Variants in STAB2 observed in about 807,000 individuals in gnomAD.
STAB2 encodes stabilin 2, also known as stabilin-2.
In STAB2, 288 loss-of-function variants were observed where a neutral mutation model predicts 338.1. The ratio of observed to expected loss-of-function variants is 0.85; its 90% CI spans 0.77 to 0.94. The LOEUF (loss-of-function observed/expected upper bound fraction) is 0.94, where lower values mean the gene tolerates loss of function less well. STAB2 is among the 40% of genes least tolerant of loss of function. The pLI is 0.00. For missense variants in STAB2, 3,141 were observed against 3,210.1 expected (o/e 0.98, Z 0.52); for synonymous variants, 1,202 against 1,193.3 (o/e 1.01, Z -0.15).
At chr12:103,640,508 A>T (rs550574183) in intron 9 of STAB2, among the ~76,000 whole-genome samples, 1 of 152,336 alleles carries the variant, frequency 6.6e-6, no homozygotes, top group Admixed American at 6.5e-5. Context: ...ACTTGATATG[A>T]AGTGGTCAGA....
At chr12:103,667,994 T>C (rs1355808760) in intron 19 of STAB2, among the ~76,000 whole-genome samples, 1 of 152,236 alleles carries the variant, frequency 6.6e-6, no homozygotes, top group Non-Finnish European at 1.5e-5. Flanking sequence ...TCAGTGTTTC[T>C]TGGAAAAAAT....
chr12:103,746,648 A>T lies in STAB2; in HGVS notation c.6188A>T (p.Glu2063Val), dbSNP rs768939938. The T allele has an allele frequency of 6.2e-6, 10 of 1,614,030 alleles. No individual in the cohort carries two copies. Among genetic ancestry groups the T allele is most frequent in the Non-Finnish European group, 8.5e-6 (10 of 1,179,988 alleles). The change falls in exon 58 of 69, where the codon GAG (glutamate) becomes GTG (valine). Residue 2063 changes from glutamate to valine, a missense_variant. Physicochemically the swap from Glu to Val is moderately radical, Grantham distance 121 (BLOSUM62 -2). Transcript: ENST00000388887. The part of the protein sequence containing the change: ...PPCSAHATCK[E>V]NNTCECNLDY... The stretch of plus-strand genomic sequence containing the variant: ...TGTTCTGCTCATGCCACCTGTAAGG[A>T]GAACAACACGTGTGAGTGTAACCTG...
intron 43 of STAB2, among the ~76,000 whole-genome samples, chr12:103,716,756 T>C (rs1220180746): frequency 6.6e-6 from 1 of 152,224 alleles, no homozygotes; most frequent in Non-Finnish European, 1.5e-5. Flanking sequence ...GGTTTGGTAG[T>C]TTTTATTTCA....
At chr12:103,657,494 T>A (rs897570847) in intron 15 of STAB2, 3 of 152,214 alleles carry the variant, frequency 2.0e-5, no homozygotes, top group African/African-American at 7.2e-5. Context: ...TCCAGTGGTA[T>A]CTGGAAATGA....
chr12:103,753,803 C>T (rs1047007733), intron 61 of STAB2, among the ~76,000 whole-genome samples: 5 of 152,172 alleles, frequency 3.3e-5, no homozygotes, highest in African/African-American at 9.7e-5. Context: ...ACCAGAAAGA[C>T]AGCAATACCC....
Position 103,655,193 on chromosome 12 carries a change from T to C in STAB2, c.1552-58T>C, listed in dbSNP as rs554247317. On this transcript the variant is annotated intron_variant, in intron 13 of 68. Coordinates refer to ENST00000388887, the MANE Select transcript of STAB2 (RefSeq NM_017564.10). ...ATCAGTCTTTAAATGTTAGAATTTG[T>C]ATTTCCTAAATCACAATATTTTATT... 19 of 1,491,910 alleles carry C rather than the reference T, an allele frequency of 1.3e-5. 1 individual carries two copies. The Admixed American group carries it at 3.6e-4, about 28-fold the overall frequency. 92.4% of individuals were successfully genotyped at this position (1,491,910 alleles called of 1,614,324 possible).
At chr12:103,660,610 T>C in intron 16 of STAB2, 73 bp from the exon 17 acceptor site, 2 of 1,514,132 alleles carry the variant, frequency 1.3e-6, no homozygotes, top group Non-Finnish European at 1.8e-6. Context: ...TTTTTTCTAG[T>C]GAGGACTTTA....
At chr12:103,742,335 C>T in intron 55 of STAB2, 70 bp from the exon 56 acceptor site, 1 of 1,564,904 alleles carries the variant, frequency 6.4e-7, no homozygotes, top group South Asian at 1.2e-5. Flanking sequence ...TGCCACAGCA[C>T]ATTTACAAAG....
intron 3 of STAB2, among the ~76,000 whole-genome samples, chr12:103,613,280 C>T (rs986279864): frequency 3.9e-5 from 6 of 152,214 alleles, no homozygotes; most frequent in Admixed American, 3.9e-4. Flanking sequence ...GCCCTGCCCA[C>T]AGAGGTGGAG....
At chr12:103,692,997 G>T in intron 31 of STAB2, 108 bp downstream of exon 31, 1 of 764,126 alleles carries the variant, frequency 1.3e-6, no homozygotes. Flanking sequence ...GCCTTATATG[G>T]AAGTAACCGG....
intron 18 of STAB2, among the ~76,000 whole-genome samples, chr12:103,664,284 C>T (rs1874885090): frequency 6.6e-6 from 1 of 152,188 alleles, no homozygotes; most frequent in Admixed American, 6.5e-5. Context: ...GCTGGGACTA[C>T]AGGTGCCCTC....
chr12:103,729,301 C>T (rs1356069661), intron 48 of STAB2, among the ~76,000 whole-genome samples: 2 of 151,990 alleles, frequency 1.3e-5, no homozygotes, highest in African/African-American at 4.8e-5. Context: ...ACCCCCATGA[C>T]ACAAGTTTAC....
At chr12:103,699,366 G>A in intron 34 of STAB2, 139 bp downstream of exon 34, 6 of 1,137,212 alleles carry the variant, frequency 5.3e-6, no homozygotes, top group Non-Finnish European at 7.1e-6. Context: ...TAAAGACATA[G>A]CCAAGACTGG....
At chr12:103,726,577 A>G (rs902372823) in intron 46 of STAB2, among the ~76,000 whole-genome samples, 3 of 152,128 alleles carry the variant, frequency 2.0e-5, no homozygotes, top group African/African-American at 7.2e-5. Flanking sequence ...AAAGTCTGGG[A>G]CCCTGGATTT....
chr12:103,758,007 ACT>A (rs1884262205), intron 63 of STAB2, 161 bp from the exon 64 acceptor site: 3 of 1,023,194 alleles, frequency 2.9e-6, no homozygotes, highest in South Asian at 3.3e-5. Flanking sequence ...AAGTCCTCAA[ACT>A]CTCCCACGGC....
intron 36 of STAB2, 55 bp from the exon 37 acceptor site, chr12:103,705,577 G>C: frequency 6.6e-7 from 1 of 1,524,054 alleles, no homozygotes; most frequent in African/African-American, 1.4e-5. Context: ...TGCTTTCGGA[G>C]ACTGGAAAAC....
chr12:103,625,808 G>A lies in STAB2; in HGVS notation c.487+3697G>A, dbSNP rs149100436. ...AGTCTTTGCTATCGTGAATAGTGCCGCAATAAACATGTGTGTGCATGTGTC... is the reference window on the plus strand; with the variant it reads ...AGTCTTTGCTATCGTGAATAGTGCCACAATAAACATGTGTGTGCATGTGTC... On this transcript the variant is annotated intron_variant, in intron 5 of 68. Coordinates refer to ENST00000388887, the MANE Select transcript of STAB2 (RefSeq NM_017564.10). Among the ~76,000 whole-genome samples the A allele has an allele frequency of 5.3e-3, 801 of 152,194 alleles. 6 individuals carry two copies. Among genetic ancestry groups the A allele is most frequent in the African/African-American group, 0.017 (705 of 41,494 alleles).
At chr12:103,763,274 TTGG>T (rs1443034221) in intron 67 of STAB2, 8 of 562,794 alleles carry the variant, frequency 1.4e-5, no homozygotes, top group Non-Finnish European at 2.2e-5. Flanking sequence ...ATGTGCCGAT[TTGG>T]TGGTGATCAC....
chr12:103,605,237 C>A (rs1163605578), intron 3 of STAB2, among the ~76,000 whole-genome samples: 5 of 151,822 alleles, frequency 3.3e-5, no homozygotes, highest in African/African-American at 1.2e-4. Flanking sequence ...TAAGCTAATA[C>A]CATGCTTAGA....
Sources: gnomAD v4.1 joint callset for allele counts (sites outside exome capture counted in the v4.1 genomes callset) on GRCh38, gnomAD v4.1.1 for gene constraint, MANE v1.5 for transcripts, NCBI Gene and HGNC (gene_info 2026-07-23, HGNC 2026-07-21) for gene names.